The following ASB7 variants were observed in gnomAD, a reference collection of about 807,000 sequenced individuals.
ASB7 encodes the protein ankyrin repeat and SOCS box containing 7, also known as ankyrin repeat and SOCS box protein 7.
A neutral mutation model predicts 32.5 loss-of-function variants in ASB7; 4 were observed. The ratio of observed to expected loss-of-function variants is 0.12; its 90% CI spans 0.06 to 0.28. The LOEUF (loss-of-function observed/expected upper bound fraction) is 0.28. Ranked by LOEUF, ASB7 falls within the 10% of genes least tolerant of loss-of-function variation. ASB7 has a pLI of 1.00. For missense variants in ASB7, 181 were observed against 407.1 expected (o/e 0.44, Z 4.78); for synonymous variants, 172 against 155.6 (o/e 1.11, Z -0.78).
chr15:100,643,735 C>T (rs3935404), intron 5 of ASB7, among the ~76,000 whole-genome samples: 55,440 of 150,670 alleles, frequency 0.37, 10,761 homozygotes, highest in African/African-American at 0.44. Flanking sequence ...CCTCGTGATC[C>T]GCCTGCCTCA....
At chr15:100,627,539 G>A (rs866938365) in intron 4 of ASB7, among the ~76,000 whole-genome samples, 5 of 152,310 alleles carry the variant, frequency 3.3e-5, no homozygotes, top group Middle Eastern at 6.8e-3. Context: ...AGACTATGCA[G>A]GTCATTGTTG....
chr15:100,638,672 A>G (rs1470660816), intron 5 of ASB7, among the ~76,000 whole-genome samples: 4 of 152,208 alleles, frequency 2.6e-5, no homozygotes, highest in African/African-American at 7.2e-5. Context: ...TTACTTTGAC[A>G]GAGCATCTTT....
intron 4 of ASB7, among the ~76,000 whole-genome samples, chr15:100,618,372 C>G (rs1208784098): frequency 2.6e-5 from 4 of 152,136 alleles, no homozygotes; most frequent in African/African-American, 9.7e-5. Context: ...ACCTCAGCCT[C>G]CCAAAGTGCT....
intron 5 of ASB7, among the ~76,000 whole-genome samples, chr15:100,640,453 G>C (rs1258822977): frequency 6.6e-6 from 1 of 152,084 alleles, no homozygotes; most frequent in African/African-American, 2.4e-5. Flanking sequence ...CCTATGGTAG[G>C]ATTTTAAAAT....
chr15:100,614,742 C>CAAAAAAAAA (rs58705118), intron 4 of ASB7, among the ~76,000 whole-genome samples: 3 of 57,202 alleles, frequency 5.2e-5, no homozygotes, highest in South Asian at 6.9e-4. Context: ...AGCTGATGAG[C>CAAAAAAAAA]AAAAAAAAAA....
chr15:100,646,867 C>G (rs1001715256), intron 5 of ASB7, among the ~76,000 whole-genome samples: 8 of 152,120 alleles, frequency 5.3e-5, no homozygotes, highest in Admixed American at 2.0e-4. Flanking sequence ...TCTCTCATTC[C>G]TTTTATCATG....
rs1035948625 is a variant in ASB7, at chr15:100,651,010, A to T, written c.*2548A>T. 4 of 152,232 alleles carry T rather than the reference A, an allele frequency of 2.6e-5. No individual in the cohort carries two copies. The highest frequency in any genetic ancestry group is 9.6e-5 in the African/African-American group (4 of 41,468). The allele number at this position is 152,232 out of a possible 1,614,324, so 9.4% of individuals were successfully genotyped here. A position where few individuals can be genotyped will look rare whatever the true frequency, so the allele number is the denominator to read the frequency against. On this transcript the variant is annotated 3_prime_UTR_variant, in exon 6 of 6. Transcript: ENST00000332783. ...ACCGATTGTTTTTTCCAGAAACAGA[A>T]CAGAAAATGTTCAGAATATTTTCAA...
intron 4 of ASB7, among the ~76,000 whole-genome samples, chr15:100,624,971 C>CA (rs2039825769): frequency 6.6e-6 from 1 of 152,104 alleles, no homozygotes; most frequent in African/African-American, 2.4e-5. Flanking sequence ...ATCTGAAAAT[C>CA]AATAGGCTGA....
intron 4 of ASB7, among the ~76,000 whole-genome samples, chr15:100,622,854 A>C (rs1347924253): frequency 6.6e-6 from 1 of 152,212 alleles, no homozygotes; most frequent in Non-Finnish European, 1.5e-5. Context: ...CAGGAAAAAC[A>C]CTTCAGGACA....
intron 5 of ASB7, among the ~76,000 whole-genome samples, chr15:100,647,782 A>G (rs1401246695): frequency 6.6e-6 from 1 of 152,120 alleles, no homozygotes; most frequent in Non-Finnish European, 1.5e-5. Context: ...TTGTTTGGAA[A>G]GCTCCACAGA....
At chr15:100,620,401 G>T (rs1276846317) in intron 4 of ASB7, among the ~76,000 whole-genome samples, 1 of 152,212 alleles carries the variant, frequency 6.6e-6, no homozygotes, top group Non-Finnish European at 1.5e-5. Flanking sequence ...TGGAACACTG[G>T]CCTGTGCATA....
At chr15:100,644,973 C>T (rs570208501) in intron 5 of ASB7, among the ~76,000 whole-genome samples, 4 of 152,336 alleles carry the variant, frequency 2.6e-5, no homozygotes, top group African/African-American at 7.2e-5. Context: ...TCTCGAAAAG[C>T]GTATGTTCAT....
At position 100,647,783 on chromosome 15, in the gene ASB7, GC is replaced by G. The variant is rs2040006242; in HGVS notation, c.818-539del. 2.0e-5 allele frequency among the ~76,000 whole-genome samples: 3 copies of G among 152,286 alleles called. No homozygotes were observed. The South Asian group carries it at 6.2e-4, about 32-fold the overall frequency. ...CAGATCTGGAAAGCTTGTTTGGAAA[GC>G]TCCACAGAGACCGTGGTGGGTGTCC... is the stretch of plus-strand genomic sequence containing the variant. On this transcript the variant is annotated intron_variant, in intron 5 of 5. Transcript: ENST00000332783.
chr15:100,651,597 A>G lies in ASB7; in HGVS notation c.*3135A>G, dbSNP rs2040032895. On this transcript the variant is annotated 3_prime_UTR_variant, in exon 6 of 6. Coordinates refer to ENST00000332783, the MANE Select transcript of ASB7 (RefSeq NM_198243.3). ...CCATTTGCCCACAAATTTAGCTTTC[A>G]TGTAACTCCTAGTGTGTTATATCAT... The G allele has an allele frequency of 6.6e-6, 1 of 152,212 alleles. No homozygotes were observed. Among genetic ancestry groups the G allele is most frequent in the South Asian group, 2.1e-4 (1 of 4,830 alleles). 9.4% of individuals were successfully genotyped at this position (152,212 alleles called of 1,614,324 possible).
At chr15:100,644,860 T>C (rs778459319) in intron 5 of ASB7, among the ~76,000 whole-genome samples, 1 of 152,238 alleles carries the variant, frequency 6.6e-6, no homozygotes, top group Non-Finnish European at 1.5e-5. Flanking sequence ...TACAGATCCA[T>C]GTACAGACAT....
intron 2 of ASB7, among the ~76,000 whole-genome samples, chr15:100,604,680 A>T (rs2039624800): frequency 6.6e-6 from 1 of 152,208 alleles, no homozygotes; most frequent in African/African-American, 2.4e-5. Context: ...AGGATTTAGA[A>T]TCAGTATCTA....
At chr15:100,628,810 T>G (rs1457175272) in intron 4 of ASB7, among the ~76,000 whole-genome samples, 1 of 152,268 alleles carries the variant, frequency 6.6e-6, no homozygotes, top group Non-Finnish European at 1.5e-5. Context: ...TTAATTCTTA[T>G]AAACTCCAAA....
rs1417742844 is a variant in ASB7, at chr15:100,629,055, A to G, written c.212-382A>G. Among the ~76,000 whole-genome samples, 2 of 152,250 alleles carry G rather than the reference A, an allele frequency of 1.3e-5. No individual in the cohort carries two copies. The highest frequency in any genetic ancestry group is 2.4e-5 in the African/African-American group (1 of 41,470). ...CTCTTTAAGACCGAGAAGAAGCACA[A>G]GAGAAAATAAAACAAAAAGTTCAAA... On this transcript the variant is annotated intron_variant, in intron 4 of 5. Transcript: ENST00000332783. This position sits in a 1 kb window ranked among gnomAD's most constrained non-coding sequence, Gnocchi z 6.8.
At chr15:100,639,816 C>T (rs1597011406) in intron 5 of ASB7, among the ~76,000 whole-genome samples, 1 of 152,080 alleles carries the variant, frequency 6.6e-6, no homozygotes, top group South Asian at 2.1e-4. Flanking sequence ...AAATATCCTG[C>T]CCTTTATAGT....
Sources: gnomAD v4.1 joint callset for allele counts (sites outside exome capture counted in the v4.1 genomes callset) on GRCh38, gnomAD v4.1.1 for gene constraint, Gnocchi (gnomAD v3.1) non-coding constraint, MANE v1.5 for transcripts, NCBI Gene and HGNC (gene_info 2026-07-23, HGNC 2026-07-21) for gene names.